DYNC1LI1: variants seen among roughly 807,000 people sequenced by gnomAD.
DYNC1LI1 encodes the protein cytoplasmic dynein 1 light intermediate chain 1.
DYNC1LI1 carries 19 observed loss-of-function variants against 63.8 expected under a neutral mutation model. The ratio of observed to expected loss-of-function variants is 0.30; its 90% confidence interval spans 0.21 to 0.44. The LOEUF (loss-of-function observed/expected upper bound fraction) is 0.44. Among genes scored for constraint, DYNC1LI1 ranks in the 20% least tolerant of loss-of-function variants. The pLI is 1.00. For synonymous variants in DYNC1LI1, 225 were observed against 232.3 expected, an observed-to-expected ratio of 0.97 and a Z score of 0.28; for missense variants, 565 against 630.2, an observed-to-expected ratio of 0.90 and a Z score of 1.11.
At chr3:32,534,242 A>G (rs1323423964) in intron 7 of DYNC1LI1, among the ~76,000 whole-genome samples, 1 of 152,204 alleles carries the variant, frequency 6.6e-6, no homozygotes, top group Non-Finnish European at 1.5e-5. Flanking sequence ...CAATTAAAGA[A>G]TAAGCAGATA....
At chr3:32,555,237 T>C (rs1475575738) in intron 2 of DYNC1LI1, among the ~76,000 whole-genome samples, 1 of 152,262 alleles carries the variant, frequency 6.6e-6, no homozygotes, top group Non-Finnish European at 1.5e-5. Flanking sequence ...TTCATACATC[T>C]TAAGCTTCAA....
Position 32,532,980 on chromosome 3 carries a change from G to T in DYNC1LI1, c.1080+6C>A. 1.3e-6 allele frequency: 2 copies of T among 1,564,090 alleles called. No individual in the cohort carries two copies. The highest frequency in any genetic ancestry group is 1.7e-6 in the Non-Finnish European group (2 of 1,164,344). On this transcript the variant is annotated splice_donor_region_variant and intron_variant, in intron 8 of 12. Transcript: ENST00000273130. The stretch of plus-strand genomic sequence containing the variant: ...AAATATTGAGATTATTTACTAAAAT[G>T]GTTACCTTTCGAACAGGTGGTTTAG...
Position 32,567,607 on chromosome 3 carries a change from C to A in DYNC1LI1, c.220+2739G>T, listed in dbSNP as rs140393078. On this transcript the variant is annotated intron_variant, in intron 2 of 12. Coordinates refer to ENST00000273130, the MANE Select transcript of DYNC1LI1 (RefSeq NM_016141.4). ...AGGCTGGAGTGCAATGGCGTAATCTCAGCTCACTGCAACTTCTGCCTCCAG... is the reference window on the plus strand; with the variant it reads ...AGGCTGGAGTGCAATGGCGTAATCTAAGCTCACTGCAACTTCTGCCTCCAG... Among the ~76,000 whole-genome samples the A allele has an allele frequency of 4.2e-3, 637 of 151,342 alleles. 6 individuals are homozygous for A. Among genetic ancestry groups the A allele is most frequent in the Admixed American group, 7.4e-3 (113 of 15,190 alleles).
At position 32,530,518 on chromosome 3, in the gene DYNC1LI1, A is replaced by C; in HGVS notation, c.1083T>G (p.Phe361Leu). 6.2e-7 allele frequency: 1 copy of C among 1,612,544 alleles called. No individual in the cohort carries two copies. The highest frequency in any genetic ancestry group is 8.5e-7 in the Non-Finnish European group (1 of 1,179,390). The change falls in exon 9 of 13, where the codon TTT (phenylalanine) becomes TTG (leucine). Residue 361 changes from phenylalanine (F) to leucine (L), a missense_variant and splice_region_variant. Physicochemically the swap from Phe to Leu is conservative, Grantham distance 22 (BLOSUM62 0). Transcript: ENST00000273130. The part of the protein sequence containing the change: ...DIITKPPVRK[F>L]VHEKEIMAED... ...CTGCCATAATTTCCTTCTCATGTAC[A>C]AACTGAAATGAGCAATGCACAAATG...
chr3:32,569,662 A>G (rs1223773506), intron 2 of DYNC1LI1, among the ~76,000 whole-genome samples: 1 of 152,106 alleles, frequency 6.6e-6, no homozygotes, highest in African/African-American at 2.4e-5. Context: ...CCCCACCCCC[A>G]GAGTCACTAA....
At chr3:32,534,378 T>G (rs920046851) in intron 7 of DYNC1LI1, 133 bp downstream of exon 7, 1 of 671,498 alleles carries the variant, frequency 1.5e-6, no homozygotes, top group Non-Finnish European at 2.5e-6. Context: ...CAAAAAACAA[T>G]CTAGGAACAG....
chr3:32,529,609 C>A lies in DYNC1LI1; in HGVS notation c.1237G>T (p.Val413Leu). 6.2e-7 allele frequency: 1 copy of A among 1,610,240 alleles called. No individual in the cohort carries two copies. Among genetic ancestry groups the A allele is most frequent in the Admixed American group, 1.7e-5 (1 of 59,900 alleles). Residue 413 changes from valine to leucine, a missense_variant, in exon 11 of 13, where the codon GTA (valine) becomes TTA (leucine). Transcript: ENST00000273130. ...GGSPRTPNRS[V>L]SSNVASVSPI... is the part of the protein sequence containing the mutation. ...GACACGCTGGCAACATTAGATGATA[C>A]AGATCTATTTGGTGTTCGTGGGGAG...
intron 2 of DYNC1LI1, among the ~76,000 whole-genome samples, chr3:32,567,703 CTT>C (rs749073673): frequency 1.3e-4 from 16 of 122,120 alleles, no homozygotes; most frequent in Non-Finnish European, 1.1e-4. Context: ...CATACCCGGC[CTT>C]TTTTTTTTTT....
intron 2 of DYNC1LI1, among the ~76,000 whole-genome samples, chr3:32,559,561 G>A (rs1335779815): frequency 6.6e-6 from 1 of 152,078 alleles, no homozygotes; most frequent in Non-Finnish European, 1.5e-5. Flanking sequence ...AACTTATACA[G>A]CAGTTTAAAA....
intron 2 of DYNC1LI1, among the ~76,000 whole-genome samples, chr3:32,569,610 G>C (rs1698312839): frequency 6.6e-6 from 1 of 152,140 alleles, no homozygotes; most frequent in African/African-American, 2.4e-5. Flanking sequence ...GCTAAGCCTA[G>C]AAAAATGCGA....
intron 5 of DYNC1LI1, 32 bp from the exon 6 acceptor site, chr3:32,537,136 T>C (rs1320695963): frequency 4.1e-6 from 5 of 1,211,956 alleles, no homozygotes; most frequent in Non-Finnish European, 5.8e-6. Context: ...AAATAATACA[T>C]TTAAAATAAT....
chr3:32,529,256 T>G (rs1697663246), intron 11 of DYNC1LI1, among the ~76,000 whole-genome samples: 1 of 152,244 alleles, frequency 6.6e-6, no homozygotes, highest in African/African-American at 2.4e-5. Context: ...TCCTTTATGT[T>G]AATTGCAGAT....
At chr3:32,570,221 G>C (rs1452869506) in intron 2 of DYNC1LI1, 125 bp downstream of exon 2, 1 of 823,326 alleles carries the variant, frequency 1.2e-6, no homozygotes, top group Admixed American at 2.0e-5. Context: ...CGACAGGTCG[G>C]GAGGCGAGGC....
intron 11 of DYNC1LI1, 57 bp downstream of exon 11, chr3:32,529,483 T>C (rs990921555): frequency 7.6e-5 from 115 of 1,504,002 alleles, no homozygotes; most frequent in Non-Finnish European, 9.6e-5. Context: ...GAATTTTAGA[T>C]AGATTTATTT....
chr3:32,529,496 C>T (rs1244816750), intron 11 of DYNC1LI1, 44 bp downstream of exon 11: 2 of 1,546,796 alleles, frequency 1.3e-6, no homozygotes, highest in East Asian at 4.6e-5. Flanking sequence ...ATTTATTTCT[C>T]TTGTAAAATG....
rs150049781 is a variant in DYNC1LI1 at position 32,555,970 on chromosome 3, G to A, written c.221-10005C>T. On this transcript the variant is annotated intron_variant, in intron 2 of 12. Coordinates refer to ENST00000273130, the MANE Select transcript of DYNC1LI1 (RefSeq NM_016141.4). ...AAGATGTGAGAAAAAAACCCGTCAG[G>A]GTCTTCCTGCTGTTCTTACAGGTAA... 1.3e-3 allele frequency among the ~76,000 whole-genome samples: 197 copies of A among 152,248 alleles called. 1 individual carries two copies. Among genetic ancestry groups the A allele is most frequent in the African/African-American group, 4.0e-3 (166 of 41,540 alleles).
intron 2 of DYNC1LI1, among the ~76,000 whole-genome samples, chr3:32,564,193 A>G (rs1377233388): frequency 1.3e-5 from 2 of 152,208 alleles, no homozygotes; most frequent in South Asian, 4.1e-4. Flanking sequence ...AGTCCTGTAT[A>G]TTCCCAGTTA....
intron 7 of DYNC1LI1, among the ~76,000 whole-genome samples, chr3:32,533,500 A>G (rs1479763233): frequency 6.6e-6 from 1 of 152,050 alleles, no homozygotes; most frequent in Non-Finnish European, 1.5e-5. Flanking sequence ...CAATATTAAA[A>G]ATGTCATTAG....
intron 12 of DYNC1LI1, among the ~76,000 whole-genome samples, chr3:32,527,724 T>A (rs1697639751): frequency 6.6e-6 from 1 of 152,166 alleles, no homozygotes; most frequent in Admixed American, 6.5e-5. Flanking sequence ...CAGCACCATA[T>A]TAATAATAGT....
Sources: gnomAD v4.1 joint callset for allele counts (sites outside exome capture counted in the v4.1 genomes callset) on GRCh38, gnomAD v4.1.1 for gene constraint, MANE v1.5 for transcripts, NCBI Gene and HGNC (gene_info 2026-07-23, HGNC 2026-07-21) for gene names.